Variants in PALM2AKAP2 observed in about 807,000 individuals in gnomAD.
PALM2AKAP2 encodes PALM2 and AKAP2 fusion.
Under a neutral mutation model 71.5 loss-of-function variants are expected in PALM2AKAP2, and 37 were observed. The ratio of observed to expected loss-of-function variants is 0.52; its 90% confidence interval spans 0.40 to 0.68. The LOEUF is 0.68. Ranked by LOEUF, PALM2AKAP2 falls within the 30% of genes least tolerant of loss-of-function variation. The probability of loss-of-function intolerance (pLI) is 0.00; values close to 1 mark genes in which losing one functional copy is unlikely to be tolerated. For synonymous variants in PALM2AKAP2, 468 were observed against 478.8 expected (o/e 0.98, Z 0.29); for missense variants, 1,224 against 1,191.8 (o/e 1.03, Z -0.40).
chr9:109,969,964 C>CAA (rs1832034594), intron 6 of PALM2AKAP2, among the ~76,000 whole-genome samples: 1 of 152,202 alleles, frequency 6.6e-6, no homozygotes. Flanking sequence ...CAAGGGAGCA[C>CAA]AAAACCCACT....
At chr9:110,042,058 A>G (rs141020882) in intron 7 of PALM2AKAP2, among the ~76,000 whole-genome samples, 4 of 152,350 alleles carry the variant, frequency 2.6e-5, no homozygotes, top group African/African-American at 9.6e-5. Flanking sequence ...AAACACAACT[A>G]TAAGTCAATG....
intron 1 of PALM2AKAP2, among the ~76,000 whole-genome samples, chr9:109,711,967 G>A (rs1828247869): frequency 6.6e-6 from 1 of 151,010 alleles, no homozygotes; most frequent in Non-Finnish European, 1.5e-5. Flanking sequence ...TATCCTTGTG[G>A]CATGTGCCTG....
chr9:110,048,400 C>A (rs1309473967), upstream of PALM2AKAP2, among the ~76,000 whole-genome samples: 1 of 152,178 alleles, frequency 6.6e-6, no homozygotes, highest in Non-Finnish European at 1.5e-5. Context: ...TATCCATATA[C>A]CCAGACACAG....
At chr9:109,752,626 C>T (rs1327855838) in intron 1 of PALM2AKAP2, among the ~76,000 whole-genome samples, 1 of 152,060 alleles carries the variant, frequency 6.6e-6, no homozygotes, top group East Asian at 1.9e-4. Context: ...GGAATGATGA[C>T]CTTGAATCTG....
intron 1 of PALM2AKAP2, among the ~76,000 whole-genome samples, chr9:109,689,819 G>A (rs1283963830): frequency 2.0e-5 from 3 of 152,078 alleles, no homozygotes; most frequent in Non-Finnish European, 4.4e-5. Context: ...TAAACTTCAC[G>A]TTCTCTATGA....
chr9:109,870,132 C>CAG (rs981473462), intron 2 of PALM2AKAP2, among the ~76,000 whole-genome samples: 2 of 152,170 alleles, frequency 1.3e-5, no homozygotes, highest in Non-Finnish European at 2.9e-5. Context: ...GGAGGGTCCT[C>CAG]AGGCCACAGT....
intron 1 of PALM2AKAP2, among the ~76,000 whole-genome samples, chr9:109,709,489 A>G (rs1170227705): frequency 6.6e-6 from 1 of 151,976 alleles, no homozygotes; most frequent in Non-Finnish European, 1.5e-5. Flanking sequence ...ACTATCTTTT[A>G]CCGTCTCTTG....
At chr9:110,118,847 A>G (rs1197139190) in intron 1 of PALM2AKAP2, among the ~76,000 whole-genome samples, 1 of 152,230 alleles carries the variant, frequency 6.6e-6, no homozygotes, top group Non-Finnish European at 1.5e-5. Context: ...ATGCAAATAT[A>G]GATACACACA....
chr9:109,999,204 T>G (rs1832633020), intron 6 of PALM2AKAP2, among the ~76,000 whole-genome samples: 1 of 151,950 alleles, frequency 6.6e-6, no homozygotes, highest in South Asian at 2.1e-4. Flanking sequence ...CTGGGCTTGG[T>G]GGCGTGCACT....
rs1242213616 is a variant in PALM2AKAP2 at position 109,929,650 on chromosome 9, G to A, written c.395-2277G>A. 1.3e-5 allele frequency among the ~76,000 whole-genome samples: 2 copies of A among 151,990 alleles called. 1 individual carries two copies. The highest frequency in any genetic ancestry group is 2.9e-5 in the Non-Finnish European group (2 of 68,004). ...GAGGCCGAGGCGGGCGGATCATGAG[G>A]TCAGGAGATCGAGACCATCCTGGCT... On this transcript the variant is annotated intron_variant, in intron 5 of 9. Coordinates refer to the PALM2AKAP2 transcript ENST00000302798.
At chr9:109,794,826 G>A (rs1827207202) in intron 1 of PALM2AKAP2, among the ~76,000 whole-genome samples, 1 of 152,234 alleles carries the variant, frequency 6.6e-6, no homozygotes, top group Non-Finnish European at 1.5e-5. Context: ...GGTTTTGGAA[G>A]ATAGCAGAGC....
chr9:109,964,598 C>T (rs1158419316), intron 6 of PALM2AKAP2, among the ~76,000 whole-genome samples: 1 of 152,196 alleles, frequency 6.6e-6, no homozygotes, highest in Non-Finnish European at 1.5e-5. Context: ...CAGGAAACCC[C>T]ACAGTACTGG....
At chr9:109,820,165 T>C (rs1399209127) in intron 1 of PALM2AKAP2, among the ~76,000 whole-genome samples, 2 of 152,240 alleles carry the variant, frequency 1.3e-5, no homozygotes, top group Non-Finnish European at 2.9e-5. Flanking sequence ...ATTACTTATA[T>C]AATTAAAAAA....
intron 3 of PALM2AKAP2, among the ~76,000 whole-genome samples, chr9:109,903,895 T>C (rs1381229154): frequency 4.6e-5 from 7 of 152,216 alleles, no homozygotes; most frequent in Non-Finnish European, 7.3e-5. Context: ...CCTTCTGGCA[T>C]TCAAATGATA....
At chr9:110,146,053 C>A (rs923605807) in intron 2 of PALM2AKAP2, among the ~76,000 whole-genome samples, 1 of 151,746 alleles carries the variant, frequency 6.6e-6, no homozygotes, top group Admixed American at 6.6e-5. Context: ...TGCCCACCAC[C>A]GCGTCCAGCT....
intron 5 of PALM2AKAP2, 93 bp downstream of exon 5, chr9:109,925,175 G>A: frequency 6.3e-7 from 1 of 1,583,066 alleles, no homozygotes; most frequent in Non-Finnish European, 8.7e-7. Context: ...GAGGTACTGT[G>A]TTGATTTGTA....
At chr9:109,754,831 AC>A in intron 1 of PALM2AKAP2, among the ~76,000 whole-genome samples, 1 of 152,208 alleles carries the variant, frequency 6.6e-6, no homozygotes, top group South Asian at 2.1e-4. Context: ...AACTCCAAAT[AC>A]CATTACATTA....
At chr9:109,767,994 A>AAGGGGGGATGGAAG (rs1269841801) in intron 1 of PALM2AKAP2, among the ~76,000 whole-genome samples, 1 of 113,660 alleles carries the variant, frequency 8.8e-6, no homozygotes, top group Admixed American at 9.2e-5. Flanking sequence ...GGAAGGAGGG[A>AAGGGGGGATGGAAG]GCAAAGGCAG....
chr9:109,811,488 TA>T (rs371721825), intron 1 of PALM2AKAP2, among the ~76,000 whole-genome samples: 1,803 of 152,046 alleles, frequency 0.012, 36 homozygotes, highest in African/African-American at 0.041. Context: ...GTTAGTATGT[TA>T]AAAAAAATAG....
Sources: allele counts gnomAD v4.1 joint callset (sites outside exome capture counted in the v4.1 genomes callset), GRCh38; gene constraint gnomAD v4.1.1; transcripts MANE v1.5; gene names NCBI Gene and HGNC (gene_info 2026-07-23, HGNC 2026-07-21).